Variants in LTBR observed in about 807,000 individuals in gnomAD.
LTBR encodes the protein lymphotoxin beta receptor, also known as tumor necrosis factor receptor superfamily member 3.
LTBR carries 15 observed loss-of-function variants against 45.4 expected under a neutral mutation model. The ratio of observed to expected loss-of-function variants is 0.33; its 90% confidence interval spans 0.22 to 0.51. The LOEUF is 0.51. Ranked by LOEUF, LTBR falls within the 20% of genes least tolerant of loss-of-function variation. LTBR has a pLI of 0.97. For missense variants in LTBR, 450 were observed against 565.5 expected, an observed-to-expected ratio of 0.80 and a Z score of 2.07; for synonymous variants, 228 against 231.0, an observed-to-expected ratio of 0.99 and a Z score of 0.12.
rs199987160 is a variant in LTBR at position 6,386,468 on chromosome 12, AC to A, written c.667+25del. 1 of 1,162,744 alleles carries A rather than the reference AC, an allele frequency of 8.6e-7. No homozygotes were observed. Among genetic ancestry groups the A allele is most frequent in the Non-Finnish European group, 1.2e-6 (1 of 847,640 alleles). The allele number at this position is 1,162,744 out of a possible 1,614,324, so 72.0% of individuals were successfully genotyped here. Reference sequence around the variant, plus strand: ...AGGTGAGGGACCAGGGCTGAGGGACACGGGGGGGGCGCCTCTGAAAATGCCT... The same window carrying A: ...AGGTGAGGGACCAGGGCTGAGGGACAGGGGGGGGCGCCTCTGAAAATGCCT... On this transcript the variant is annotated intron_variant, in intron 6 of 9. Coordinates refer to ENST00000228918, the MANE Select transcript of LTBR (RefSeq NM_002342.3). This position sits in a 1 kb window ranked among gnomAD's most constrained non-coding sequence, Gnocchi z 4.1.
chr12:6,389,618 A>G (rs1347606413), intron 8 of LTBR: 1 of 156,238 alleles, frequency 6.4e-6, no homozygotes, highest in East Asian at 1.9e-4. Context: ...CCCGGCCAAC[A>G]TGGCAAAACC....
In LTBR at chr12:6,388,775, A is replaced by T; in HGVS notation, c.776-25A>T. 6.2e-7 allele frequency: 1 copy of T among 1,614,052 alleles called. No individual in the cohort carries two copies. Among genetic ancestry groups the T allele is most frequent in the Non-Finnish European group, 8.5e-7 (1 of 1,179,968 alleles). ...AGGTCTGAGGCCTGCCGGGGAGCCT[A>T]CACCCATTTCATTCTCCATTGCAGG... On this transcript the variant is annotated intron_variant, in intron 7 of 9. Coordinates refer to ENST00000228918, the MANE Select transcript of LTBR (RefSeq NM_002342.3). The surrounding 1 kb of genome is among the most constrained non-coding windows in gnomAD (Gnocchi z 4.3).
Position 6,384,232 on chromosome 12 carries a change from A to T in LTBR, c.-127A>T. ...CTGGCCGCTCCCGGCCCTGGGGTGC[A>T]CATCGGCCCTGAGTCCCGTCCCAGG... is the stretch of plus-strand genomic sequence containing the variant. On this transcript the variant is annotated 5_prime_UTR_variant, in exon 1 of 10. Transcript: ENST00000228918. 1 of 1,361,350 alleles carries T rather than the reference A, an allele frequency of 7.3e-7. No individual in the cohort carries two copies. The highest frequency in any genetic ancestry group is 9.4e-7 in the Non-Finnish European group (1 of 1,062,166). The allele number at this position is 1,361,350 out of a possible 1,614,324, so 84.3% of individuals were successfully genotyped here. A position where few individuals can be genotyped will look rare whatever the true frequency, so the allele number is the denominator to read the frequency against.
At chr12:6,376,907 A>G (rs1405001986) in intron 1 of LTBR, among the ~76,000 whole-genome samples, 1 of 152,234 alleles carries the variant, frequency 6.6e-6, no homozygotes, top group Non-Finnish European at 1.5e-5. Context: ...GGCCTGCAAT[A>G]CAATAAGATA....
rs1949052466 is a variant in LTBR at position 6,386,589 on chromosome 12, A to G, written c.667+145A>G. 2 of 624,880 alleles carry G rather than the reference A, an allele frequency of 3.2e-6. No homozygotes were observed. Among genetic ancestry groups the G allele is most frequent in the South Asian group, 1.9e-5 (1 of 51,920 alleles). 38.7% of individuals were successfully genotyped at this position (624,880 alleles called of 1,614,324 possible). A position where few individuals can be genotyped will look rare whatever the true frequency, so the allele number is the denominator to read the frequency against. On this transcript the variant is annotated intron_variant, in intron 6 of 9. Coordinates refer to ENST00000228918, the MANE Select transcript of LTBR (RefSeq NM_002342.3). The surrounding 1 kb of genome is among the most constrained non-coding windows in gnomAD (Gnocchi z 4.1). The stretch of plus-strand genomic sequence containing the variant: ...AGTTCCTTACAGAAAAAATTGGAGT[A>G]TCTCTAGGCTAGTTTACACACACAC...
Position 6,385,144 on chromosome 12 carries a change from C to G in LTBR, c.316C>G (p.Pro106Ala), listed in dbSNP as rs1391350685. 1.2e-6 allele frequency: 2 copies of G among 1,614,074 alleles called. No individual in the cohort carries two copies. Among genetic ancestry groups the G allele is most frequent in the Non-Finnish European group, 1.7e-6 (2 of 1,180,064 alleles). ...CTGCCAGCTGTGCCGCCCCTGTGAC[C>G]CAGGTGAGTGGGGATGTGCCTGCGG... ...TICQLCRPCD[P>A]VMGLEEIAPC... The change falls in exon 3 of 10, where the codon CCA (proline) becomes GCA (alanine). Residue 106 changes from proline to alanine, a missense_variant. Transcript: ENST00000228918.
rs879802964 is a variant in LTBR at position 6,388,236 on chromosome 12, TTCTC to T, written c.668-159_668-156del. On this transcript the variant is annotated intron_variant, in intron 6 of 9. Coordinates refer to ENST00000228918, the MANE Select transcript of LTBR (RefSeq NM_002342.3). The surrounding 1 kb of genome is among the most constrained non-coding windows in gnomAD (Gnocchi z 4.3). ...CCCTTCTCTATAACCCAAGGGAAGT[TTCTC>T]TCATTCTGCCTTTAGGAGCTGCATT... The T allele has an allele frequency of 1.7e-6, 1 of 594,892 alleles. No individual in the cohort carries two copies. The highest frequency in any genetic ancestry group is 3.0e-6 in the Non-Finnish European group (1 of 333,026). The allele number at this position is 594,892 out of a possible 1,614,324, so 36.9% of individuals were successfully genotyped here. A position where few individuals can be genotyped will look rare whatever the true frequency, so the allele number is the denominator to read the frequency against.
At position 6,386,252 on chromosome 12, in the gene LTBR, C is replaced by G. The variant is rs1167218791; in HGVS notation, c.569+90C>G. ...GCGCCTATCCTTGACACCACGGACT[C>G]GACTCACCACTTTCAGCCTCCCCGC... is the stretch of plus-strand genomic sequence containing the variant. On this transcript the variant is annotated intron_variant, in intron 5 of 9. Coordinates refer to ENST00000228918, the MANE Select transcript of LTBR (RefSeq NM_002342.3). The surrounding 1 kb of genome is among the most constrained non-coding windows in gnomAD (Gnocchi z 4.1). 2.7e-6 allele frequency: 4 copies of G among 1,473,720 alleles called. No homozygotes were observed. In the African/African-American group the frequency reaches 5.6e-5, roughly 21 times the overall value. 91.3% of individuals were successfully genotyped at this position (1,473,720 alleles called of 1,614,324 possible).
upstream of LTBR, chr12:6,383,990 CGAA>C (rs773074202): frequency 1.2e-4 from 139 of 1,121,102 alleles, no homozygotes; most frequent in Non-Finnish European, 1.5e-4. Context: ...ATCGGGCTTC[CGAA>C]GAAGGGAGGA....
chr12:6,388,719 C>T lies in LTBR; in HGVS notation c.776-81C>T, dbSNP rs1949076848. 8 of 1,566,804 alleles carry T rather than the reference C, an allele frequency of 5.1e-6. No individual in the cohort carries two copies. In the South Asian group the frequency reaches 6.7e-5, roughly 13 times the overall value. On this transcript the variant is annotated intron_variant, in intron 7 of 9. Transcript: ENST00000228918. The surrounding 1 kb of genome is among the most constrained non-coding windows in gnomAD (Gnocchi z 4.3). ...GCCCCCGGGTGGTCAAGTTGCTACACATTGTGCTGGGATGTGGAGGCTGAA... is the reference window on the plus strand; with the variant it reads ...GCCCCCGGGTGGTCAAGTTGCTACATATTGTGCTGGGATGTGGAGGCTGAA...
At position 6,386,003 on chromosome 12, in the gene LTBR, G is replaced by A; in HGVS notation, c.473-63G>A. 1 of 1,157,236 alleles carries A rather than the reference G, an allele frequency of 8.6e-7. No homozygotes were observed. Among genetic ancestry groups the A allele is most frequent in the Non-Finnish European group, 1.3e-6 (1 of 767,144 alleles). The allele number at this position is 1,157,236 out of a possible 1,614,324, so 71.7% of individuals were successfully genotyped here. A position where few individuals can be genotyped will look rare whatever the true frequency, so the allele number is the denominator to read the frequency against. Reference sequence around the variant, plus strand: ...TCCTGAGGCTTAAAGGAAACTCACAGGCCGGCAAAGGGCCCCTCCCTTTTG... The same window carrying A: ...TCCTGAGGCTTAAAGGAAACTCACAAGCCGGCAAAGGGCCCCTCCCTTTTG... On this transcript the variant is annotated intron_variant, in intron 4 of 9. Coordinates refer to ENST00000228918, the MANE Select transcript of LTBR (RefSeq NM_002342.3). This position sits in a 1 kb window ranked among gnomAD's most constrained non-coding sequence, Gnocchi z 4.1.
upstream of LTBR, among the ~76,000 whole-genome samples, chr12:6,380,867 G>A (rs11833291): frequency 0.15 from 23,480 of 151,952 alleles, 3,143 homozygotes; most frequent in African/African-American, 0.33. Flanking sequence ...CTCGGTCTGG[G>A]TCTGGTGTTG....
rs185836024 is a variant in LTBR at position 6,388,671 on chromosome 12, G to A, written c.776-129G>A. 9.7e-5 allele frequency: 117 copies of A among 1,208,516 alleles called. No homozygotes were observed. The Admixed American group carries it at 1.7e-3, about 18-fold the overall frequency. 74.9% of individuals were successfully genotyped at this position (1,208,516 alleles called of 1,614,324 possible). ...GCTTATTCTGAGGCTGGAGATGAGAGTGACAGTGGCTTGTTCCTCTGGGCC... is the reference window on the plus strand; with the variant it reads ...GCTTATTCTGAGGCTGGAGATGAGAATGACAGTGGCTTGTTCCTCTGGGCC... On this transcript the variant is annotated intron_variant, in intron 7 of 9. Coordinates refer to ENST00000228918, the MANE Select transcript of LTBR (RefSeq NM_002342.3). This position sits in a 1 kb window ranked among gnomAD's most constrained non-coding sequence, Gnocchi z 4.3.
At chr12:6,375,548 G>A (rs1161038813) in exon 1 of LTBR, 28 of 1,534,972 alleles carry the variant, frequency 1.8e-5, no homozygotes, top group Middle Eastern at 1.7e-4. Flanking sequence ...CCCGCTGGCC[G>A]GCCAGGGATG....
upstream of LTBR, among the ~76,000 whole-genome samples, chr12:6,380,004 G>T (rs1421673985): frequency 6.7e-6 from 1 of 150,078 alleles, no homozygotes. Context: ...TTTGATTGAA[G>T]ACAGGGTTTA....
chr12:6,385,101 C>A lies in LTBR; in HGVS notation c.273C>A (p.His91Gln), dbSNP rs749579680. 1.2e-6 allele frequency: 2 copies of A among 1,614,246 alleles called. No individual in the cohort carries two copies. Among genetic ancestry groups the A allele is most frequent in the Non-Finnish European group, 1.7e-6 (2 of 1,180,044 alleles). The change falls in exon 3 of 10, where the codon CAC (histidine) becomes CAA (glutamine). Residue 91 changes from histidine to glutamine, a missense_variant. Around this residue, in one of 3 missense-constraint regions of LTBR, gnomAD observed 367 missense variants for 435.4 expected, o/e 0.84. Transcript: ENST00000228918. ...ATCAENSYNE[H>Q]WNYLTICQLC... is the part of the protein sequence containing the mutation. ...GTGCCGAGAATTCCTACAACGAGCA[C>A]TGGAACTACCTGACCATCTGCCAGC...
Position 6,388,991 on chromosome 12 carries a change from G to C in LTBR, c.801+166G>C. On this transcript the variant is annotated intron_variant, in intron 8 of 9. Transcript: ENST00000228918. The surrounding 1 kb of genome is among the most constrained non-coding windows in gnomAD (Gnocchi z 4.3). ...CCAGGCACTGTCCTAGGCACTGGGC[G>C]TACAGCAGTGAGCAAAACACAGTAC... is the stretch of plus-strand genomic sequence containing the variant. 2 of 750,022 alleles carry C rather than the reference G, an allele frequency of 2.7e-6. No individual in the cohort carries two copies. The highest frequency in any genetic ancestry group is 2.9e-4 in the Middle Eastern group (1 of 3,476). 46.5% of individuals were successfully genotyped at this position (750,022 alleles called of 1,614,324 possible).
At chr12:6,389,826 A>T in intron 8 of LTBR, 3 of 267,134 alleles carry the variant, frequency 1.1e-5, no homozygotes, top group Non-Finnish European at 7.0e-6. Flanking sequence ...AAAAAAAGTT[A>T]GCCAGACAGT....
At position 6,390,224 on chromosome 12, in the gene LTBR, C is replaced by A. The variant is rs1949096749; in HGVS notation, c.914C>A (p.Ser305Tyr). Reference sequence around the variant, plus strand: ...ATTTCTGGAGATGTTTCCCCAGTATCCACTGGGCTCCCCGCAGCCCCAGTT... The same window carrying A: ...ATTTCTGGAGATGTTTCCCCAGTATACACTGGGCTCCCCGCAGCCCCAGTT... ...LPISGDVSPV[S>Y]TGLPAAPVLE... Residue 305 changes from serine (S) to tyrosine (Y), a missense_variant, in exon 9 of 10, where the codon TCC (serine) becomes TAC (tyrosine). By Grantham distance (144) the Ser-to-Tyr change is moderately radical (BLOSUM62 -2). Coordinates refer to ENST00000228918, the MANE Select transcript of LTBR (RefSeq NM_002342.3). 1 of 1,613,828 alleles carries A rather than the reference C, an allele frequency of 6.2e-7. No homozygotes were observed. Among genetic ancestry groups the A allele is most frequent in the South Asian group, 1.1e-5 (1 of 91,078 alleles).
Sources: allele counts gnomAD v4.1 joint callset (sites outside exome capture counted in the v4.1 genomes callset), GRCh38; gene constraint gnomAD v4.1.1; regional missense constraint gnomAD v4.1.1; non-coding constraint Gnocchi (gnomAD v3.1); transcripts MANE v1.5; gene names NCBI Gene and HGNC (gene_info 2026-07-23, HGNC 2026-07-21).